The following ZNF517 variants were observed in gnomAD, a reference collection of about 807,000 sequenced individuals.
ZNF517 encodes zinc finger protein 517.
Under a neutral mutation model 12.1 loss-of-function variants are expected in ZNF517, and 12 were observed. The observed-to-expected ratio is 0.99, with a 90% CI of 0.63 to 1.61. ZNF517 has a LOEUF of 1.61. Ranked by LOEUF, ZNF517 falls within the 40% of genes most tolerant of loss-of-function variation. The pLI is 0.00. For missense variants in ZNF517, 781 were observed against 693.2 expected (o/e 1.13, Z -1.42); for synonymous variants, 388 against 310.2 (o/e 1.25, Z -2.63).
Position 144,808,282 on chromosome 8 carries a change from G to A in ZNF517, c.1366G>A (p.Ala456Thr), listed in dbSNP as rs1003351843. The A allele has an allele frequency of 1.3e-6, 2 of 1,561,304 alleles. No homozygotes were observed. The highest frequency in any genetic ancestry group is 2.3e-5 in the East Asian group (1 of 42,664). ...HSGERPYRCR[A>T]CGRACSRLST... Reference sequence around the variant, plus strand: ...CGGCGAGAGGCCATACCGGTGCCGCGCCTGCGGGAGGGCCTGCAGCCGGCT... The same window carrying A: ...CGGCGAGAGGCCATACCGGTGCCGCACCTGCGGGAGGGCCTGCAGCCGGCT... The change falls in exon 5 of 5, where the codon GCC (alanine) becomes ACC (threonine). Residue 456 changes from alanine to threonine, a missense_variant. Physicochemically the swap from Ala to Thr is moderately conservative, Grantham distance 58 (BLOSUM62 0). Transcript: ENST00000359971.
downstream of ZNF517, among the ~76,000 whole-genome samples, chr8:144,812,765 G>A (rs139302950): frequency 0.018 from 2,815 of 152,304 alleles, 64 homozygotes; most frequent in Admixed American, 0.073. Flanking sequence ...AGAGAAAGAC[G>A]TAAAGAGCAT....
rs1563811167 is a variant in ZNF517, at chr8:144,808,056, C to T, written c.1140C>T (p.Asn380=). 2.5e-6 allele frequency: 4 copies of T among 1,607,072 alleles called. No homozygotes were observed. The highest frequency in any genetic ancestry group is 2.2e-5 in the South Asian group (2 of 90,266). ...TGTGCGGGAGGCCGTTCCGACACAA[C>T]TCCCTGCTGCTGCTGCACCTGCGCC... is the stretch of plus-strand genomic sequence containing the variant. ...CPVCGRPFRH[N]SLLLLHLRLH... is the part of the protein sequence containing the mutation. The change falls in exon 5 of 5, where the codon AAC becomes AAT. Residue 380 remains asparagine (N), a synonymous_variant. Transcript: ENST00000359971.
chr8:144,804,196 C>G lies in ZNF517; in HGVS notation c.232C>G (p.Gln78Glu). 6.2e-7 allele frequency: 1 copy of G among 1,614,088 alleles called. No homozygotes were observed. The highest frequency in any genetic ancestry group is 8.5e-7 in the Non-Finnish European group (1 of 1,179,970). Reference protein sequence around the residue: ...QGEEPGALILQVAEQSVAKAS... With the variant: ...QGEEPGALILEVAEQSVAKAS... ...AGAGGAGCCGGGGGCCTTGATTCTG[C>G]AGGTGGCTGAACAGAGCGTGGCCAA... The change falls in exon 4 of 5, where the codon CAG (glutamine) becomes GAG (glutamate). Residue 78 changes from glutamine to glutamate, a missense_variant. Gln to Glu is a conservative substitution (Grantham distance 29, BLOSUM62 2). Transcript: ENST00000359971.
At chr8:144,803,603 GC>G in intron 2 of ZNF517, 37 bp from the exon 3 acceptor site, 1 of 1,612,224 alleles carries the variant, frequency 6.2e-7, no homozygotes, top group Non-Finnish European at 8.5e-7. Context: ...TTCTCACCGA[GC>G]CCTTGACTGC....
chr8:144,804,088 T>C lies in ZNF517; in HGVS notation c.161-37T>C, dbSNP rs1220342272. The C allele has an allele frequency of 8.1e-6, 13 of 1,601,274 alleles. No individual in the cohort carries two copies. The Admixed American group carries it at 8.4e-5, about 10-fold the overall frequency. On this transcript the variant is annotated intron_variant, in intron 3 of 4. Transcript: ENST00000359971. ...GCACCTGGGCGTCCCTTCTCCCTCC[T>C]GTACTGATACGTGCTGCTTTCCTTC... is the stretch of plus-strand genomic sequence containing the variant.
At chr8:144,811,223 G>T (rs1259053228), downstream of ZNF517, 1 of 152,312 alleles carries the variant, frequency 6.6e-6, no homozygotes, top group Non-Finnish European at 1.5e-5. Flanking sequence ...CTTACTCTGT[G>T]GACCCTGTTC....
rs770165380 is a variant in ZNF517 at position 144,807,831 on chromosome 8, C to T, written c.915C>T (p.Asn305=). The part of the protein sequence containing the change: ...GKAFCRRFTL[N]EHGRIHSGER... ...CGTTCTGCCGCAGGTTCACCCTCAACGAGCACGGCCGCATCCACAGCGGGG... is the reference window on the plus strand; with the variant it reads ...CGTTCTGCCGCAGGTTCACCCTCAATGAGCACGGCCGCATCCACAGCGGGG... The change falls in exon 5 of 5, where the codon AAC becomes AAT. Residue 305 remains asparagine (N), a synonymous_variant. Transcript: ENST00000359971. 8.1e-6 allele frequency: 13 copies of T among 1,604,084 alleles called. No homozygotes were observed. In the East Asian group the frequency reaches 8.9e-5, roughly 11 times the overall value.
intron 1 of ZNF517, chr8:144,800,709 A>T: frequency 2.0e-6 from 2 of 985,240 alleles, no homozygotes; most frequent in Non-Finnish European, 2.4e-6. Flanking sequence ...CCCTCTGTGC[A>T]GGGGTGATTC....
downstream of ZNF517, among the ~76,000 whole-genome samples, chr8:144,812,167 G>A (rs1827577438): frequency 7.1e-6 from 1 of 140,922 alleles, no homozygotes; most frequent in Admixed American, 7.0e-5. Context: ...GACACTGACA[G>A]TAAAGCTCAG....
intron 1 of ZNF517, among the ~76,000 whole-genome samples, chr8:144,800,116 G>A (rs7829752): frequency 0.058 from 8,841 of 151,812 alleles, 886 homozygotes; most frequent in African/African-American, 0.2. Flanking sequence ...CTTATTCTGC[G>A]TATGGAAGGA....
chr8:144,800,342 TA>T lies in ZNF517; in HGVS notation c.-46+1409del, dbSNP rs1427380093. 3 of 266,730 alleles carry T rather than the reference TA, an allele frequency of 1.1e-5. 1 individual carries two copies. The highest frequency in any genetic ancestry group is 1.7e-5 in the Non-Finnish European group (3 of 172,854). 16.5% of individuals were successfully genotyped at this position (266,730 alleles called of 1,614,324 possible). A position where few individuals can be genotyped will look rare whatever the true frequency, so the allele number is the denominator to read the frequency against. On this transcript the variant is annotated intron_variant, in intron 1 of 4. Transcript: ENST00000359971. ...TACTTCCTAATTCCGAAGATAGAAC[TA>T]AAAGCAGGTTTTTTTCCCCTCTAAC... is the stretch of plus-strand genomic sequence containing the variant.
Position 144,807,791 on chromosome 8 carries a change from CAG to C in ZNF517, c.878_879del (p.Glu293ValfsTer230). On this transcript the variant is annotated frameshift_variant, in exon 5 of 5. Coordinates refer to ENST00000359971, the MANE Select transcript of ZNF517 (RefSeq NM_213605.3). LOFTEE classifies it low-confidence loss of function (END_TRUNC). Reference sequence around the variant, plus strand: ...ACCGGGGAGAAGCCCTTCGCGTGCACAGAGTGCGGCAAGGCGTTCTGCCGCAG... The same window carrying C: ...ACCGGGGAGAAGCCCTTCGCGTGCACAGTGCGGCAAGGCGTTCTGCCGCAG... 6.2e-7 allele frequency: 1 copy of C among 1,611,478 alleles called. No individual in the cohort carries two copies. Among genetic ancestry groups the C allele is most frequent in the Non-Finnish European group, 8.5e-7 (1 of 1,179,294 alleles).
rs750691255 is a variant in ZNF517 at position 144,807,553 on chromosome 8, G to A, written c.637G>A (p.Ala213Thr). ...CTTCCAGTGCACAGAGTGCGGGAAGGCCTTCAAGCAAAGCTCCATCCTGCT... is the reference window on the plus strand; with the variant it reads ...CTTCCAGTGCACAGAGTGCGGGAAGACCTTCAAGCAAAGCTCCATCCTGCT... ...KPFQCTECGK[A>T]FKQSSILLRH... The change falls in exon 5 of 5, where the codon GCC becomes ACC. Residue 213 changes from alanine to threonine, a missense_variant. Transcript: ENST00000359971. 4 of 1,599,182 alleles carry A rather than the reference G, an allele frequency of 2.5e-6. No individual in the cohort carries two copies. The highest frequency in any genetic ancestry group is 4.6e-5 in the East Asian group (2 of 43,800).
Position 144,808,197 on chromosome 8 carries a change from C to T in ZNF517, c.1281C>T (p.Thr427=). Residue 427 remains threonine (T), a synonymous_variant, in exon 5 of 5, where the codon ACC becomes ACT. Transcript: ENST00000359971. ...CCAAGGAGAAGCCCTTCGCGTGCAC[C>T]GAGTGCGGCAAGGCGTTCCGCAGGA... is the stretch of plus-strand genomic sequence containing the variant. The part of the protein sequence containing the change: ...IHTKEKPFAC[T]ECGKAFRRSY... 6.2e-7 allele frequency: 1 copy of T among 1,603,016 alleles called. No individual in the cohort carries two copies. Among genetic ancestry groups the T allele is most frequent in the East Asian group, 2.3e-5 (1 of 44,150 alleles).
intron 1 of ZNF517, chr8:144,800,452 C>T: frequency 1.0e-6 from 1 of 979,968 alleles, no homozygotes. Context: ...TAGTCCAAGT[C>T]CTACCCTAGT....
intron 4 of ZNF517, among the ~76,000 whole-genome samples, chr8:144,805,823 T>C (rs1014204490): frequency 4.7e-5 from 7 of 149,992 alleles, no homozygotes; most frequent in African/African-American, 1.7e-4. Context: ...GGTTTCACCA[T>C]GTTAGCGAGG....
chr8:144,800,385 G>A (rs960971399), intron 1 of ZNF517: 2 of 724,344 alleles, frequency 2.8e-6, no homozygotes, highest in Non-Finnish European at 3.4e-6. Flanking sequence ...GCCCCTCCCT[G>A]AGGACATGCA....
Position 144,803,645 on chromosome 8 carries a change from C to T in ZNF517, c.38C>T (p.Ala13Val), listed in dbSNP as rs1448570217. The change falls in exon 3 of 5, where the codon GCG (alanine) becomes GTG (valine). Residue 13 changes from alanine (A) to valine (V), a missense_variant. Physicochemically the swap from Ala to Val is moderately conservative, Grantham distance 64 (BLOSUM62 0). Transcript: ENST00000359971. ...MALPMPGPQE[A>V]VVFEDVAVYF... ...TAGCAGAGTATGTGGTTGCAGGAGG[C>T]GGTTGTGTTCGAGGATGTGGCTGTG... 8.1e-6 allele frequency: 13 copies of T among 1,613,846 alleles called. No individual in the cohort carries two copies. Among genetic ancestry groups the T allele is most frequent in the Middle Eastern group, 1.6e-4 (1 of 6,082 alleles).
rs1827349907 is a variant in ZNF517 at position 144,807,942 on chromosome 8, G to T, written c.1026G>T (p.Glu342Asp). Residue 342 changes from glutamate to aspartate, a missense_variant, in exon 5 of 5, where the codon GAG (glutamate) becomes GAT (aspartate). Glu to Asp is a conservative substitution (Grantham distance 45). Transcript: ENST00000359971. The stretch of plus-strand genomic sequence containing the variant: ...AGCACCACCGGCTGCACGCGCAGGA[G>T]GGTGCCCAGGACGGCGGCGTGGGGC... ...LLKHHRLHAQ[E>D]GAQDGGVGQG... is the part of the protein sequence containing the mutation. 1 of 1,509,794 alleles carries T rather than the reference G, an allele frequency of 6.6e-7. No individual in the cohort carries two copies. The allele number at this position is 1,509,794 out of a possible 1,614,324, so 93.5% of individuals were successfully genotyped here.
Sources: gnomAD v4.1 joint callset for allele counts (sites outside exome capture counted in the v4.1 genomes callset) on GRCh38, gnomAD v4.1.1 for gene constraint, MANE v1.5 for transcripts, NCBI Gene and HGNC (gene_info 2026-07-23, HGNC 2026-07-21) for gene names.